The following CLASP1 variants were observed in gnomAD, a reference collection of about 807,000 sequenced individuals.
CLASP1 encodes the protein cytoplasmic linker associated protein 1.
Under a neutral mutation model 192.3 loss-of-function variants are expected in CLASP1, and 38 were observed. The ratio of observed to expected loss-of-function variants is 0.20; its 90% CI spans 0.15 to 0.26. The LOEUF is 0.26. Among genes scored for constraint, CLASP1 ranks in the 10% least tolerant of loss-of-function variants. The pLI, the probability that CLASP1 is intolerant of heterozygous loss-of-function variation, is 1.00. For missense variants in CLASP1, 1,433 were observed against 1,932.5 expected, an observed-to-expected ratio of 0.74 and a Z score of 4.85; for synonymous variants, 691 against 712.8, an observed-to-expected ratio of 0.97 and a Z score of 0.49.
chr2:121,590,519 C>T (rs889068419), intron 2 of CLASP1, among the ~76,000 whole-genome samples: 1 of 152,136 alleles, frequency 6.6e-6, no homozygotes, highest in Non-Finnish European at 1.5e-5. Context: ...ATAGCATGAT[C>T]GGTCTTATCT....
intron 37 of CLASP1, among the ~76,000 whole-genome samples, chr2:121,359,261 T>C (rs1341616064): frequency 1.3e-5 from 2 of 152,228 alleles, no homozygotes; most frequent in African/African-American, 4.8e-5. Flanking sequence ...TTTAAAAGCA[T>C]ATTTCTATAT....
At chr2:121,384,121 C>T (rs1430773055) in intron 32 of CLASP1, among the ~76,000 whole-genome samples, 1 of 132,622 alleles carries the variant, frequency 7.5e-6, no homozygotes, top group African/African-American at 2.8e-5. Context: ...TATATATATA[C>T]ACACATATAT....
chr2:121,483,526 G>GTA (rs1191638260), intron 8 of CLASP1, among the ~76,000 whole-genome samples: 1 of 151,094 alleles, frequency 6.6e-6, no homozygotes, highest in Non-Finnish European at 1.5e-5. Flanking sequence ...ATATGTGTGT[G>GTA]TATATATATG....
chr2:121,580,529 C>T (rs2061011167), intron 2 of CLASP1, among the ~76,000 whole-genome samples: 1 of 152,168 alleles, frequency 6.6e-6, no homozygotes, highest in African/African-American at 2.4e-5. Flanking sequence ...TGAGCCTTTG[C>T]TGTATTTAAA....
intron 1 of CLASP1, among the ~76,000 whole-genome samples, chr2:121,629,022 C>T (rs867361030): frequency 1.1e-4 from 17 of 151,246 alleles, no homozygotes; most frequent in Middle Eastern, 3.5e-3. Flanking sequence ...TAAATGTTAA[C>T]GAACAGGGAA....
intron 2 of CLASP1, among the ~76,000 whole-genome samples, chr2:121,594,998 A>G (rs2062958906): frequency 6.6e-6 from 1 of 152,218 alleles, no homozygotes; most frequent in African/African-American, 2.4e-5. Flanking sequence ...TAACAGGACC[A>G]AAGAACTATT....
intron 33 of CLASP1, among the ~76,000 whole-genome samples, chr2:121,381,340 T>C (rs767460447): frequency 7.2e-5 from 11 of 151,980 alleles, no homozygotes; most frequent in Middle Eastern, 6.8e-3. Flanking sequence ...TCACACCCTC[T>C]ATTATAGAGG....
intron 1 of CLASP1, among the ~76,000 whole-genome samples, chr2:121,645,147 C>T (rs898059286): frequency 5.3e-5 from 8 of 152,168 alleles, no homozygotes; most frequent in Non-Finnish European, 8.8e-5. Flanking sequence ...GTCTCTTCAA[C>T]TGTACCCTCT....
In CLASP1 at chr2:121,452,608, T is replaced by A. The variant is rs561722542; in HGVS notation, c.1386-759A>T. Among the ~76,000 whole-genome samples, 7 of 152,110 alleles carry A rather than the reference T, an allele frequency of 4.6e-5. No individual in the cohort carries two copies. In the East Asian group the frequency reaches 1.2e-3, roughly 25 times the overall value. On this transcript the variant is annotated intron_variant, in intron 14 of 39. Coordinates refer to ENST00000263710, the Ensembl canonical transcript of CLASP1. ...GAGTTCAAGACCAGCCTGGCTAACA[T>A]GGTGAAACCCCATCTCTACTAAAAA...
intron 8 of CLASP1, among the ~76,000 whole-genome samples, chr2:121,493,706 T>C (rs549841161): frequency 1.8e-4 from 27 of 151,694 alleles, no homozygotes; most frequent in African/African-American, 5.3e-4. Context: ...GACAAGGGAT[T>C]AATAACCAGA....
intron 30 of CLASP1, among the ~76,000 whole-genome samples, chr2:121,391,057 G>T (rs1486764915): frequency 6.6e-6 from 1 of 152,058 alleles, no homozygotes; most frequent in Non-Finnish European, 1.5e-5. Flanking sequence ...CACTGAGAAG[G>T]TAGTTAATCA....
At chr2:121,572,485 A>G (rs945192475) in intron 2 of CLASP1, among the ~76,000 whole-genome samples, 3 of 152,188 alleles carry the variant, frequency 2.0e-5, no homozygotes, top group Non-Finnish European at 4.4e-5. Context: ...AAATAGGCAC[A>G]CATTCTTAAG....
chr2:121,593,082 A>G (rs1475022918), intron 2 of CLASP1, among the ~76,000 whole-genome samples: 1 of 152,226 alleles, frequency 6.6e-6, no homozygotes, highest in Non-Finnish European at 1.5e-5. Context: ...GGAAAAAAGT[A>G]ACTTTTTGAA....
intron 7 of CLASP1, among the ~76,000 whole-genome samples, chr2:121,509,227 G>C (rs2094036476): frequency 2.0e-5 from 3 of 152,136 alleles, no homozygotes; most frequent in Admixed American, 1.3e-4. Context: ...CCAAGCTGAA[G>C]TGCAGTGGCA....
intron 8 of CLASP1, among the ~76,000 whole-genome samples, chr2:121,500,837 G>T (rs1304449154): frequency 1.3e-5 from 2 of 152,102 alleles, no homozygotes; most frequent in African/African-American, 4.8e-5. Flanking sequence ...TTTTGTTAAG[G>T]CTTCCTTACC....
intron 24 of CLASP1, among the ~76,000 whole-genome samples, chr2:121,409,247 C>T (rs572280840): frequency 2.6e-5 from 4 of 152,330 alleles, no homozygotes; most frequent in East Asian, 3.9e-4. Flanking sequence ...CCCTCCTCCA[C>T]GTCTCAGAAG....
chr2:121,337,815 G>A (rs1182693579), exon 40 of CLASP1: 1 of 129,160 alleles, frequency 7.7e-6, no homozygotes, highest in African/African-American at 4.3e-5. Context: ...AACTCAAAAG[G>A]GTTTTTTTTT....
intron 1 of CLASP1, among the ~76,000 whole-genome samples, chr2:121,640,462 G>A (rs2071838564): frequency 6.6e-6 from 1 of 152,156 alleles, no homozygotes. Flanking sequence ...CAGGTCTTCA[G>A]TTATCTGGAT....
chr2:121,581,222 C>T (rs1305035441), intron 2 of CLASP1, among the ~76,000 whole-genome samples: 3 of 149,810 alleles, frequency 2.0e-5, no homozygotes, highest in Admixed American at 6.6e-5. Flanking sequence ...ATACAGTACC[C>T]TAGAATCGTT....
Sources: allele counts gnomAD v4.1 joint callset (sites outside exome capture counted in the v4.1 genomes callset), GRCh38; gene constraint gnomAD v4.1.1; transcripts MANE v1.5; gene names NCBI Gene and HGNC (gene_info 2026-07-23, HGNC 2026-07-21).